The following TULP4 variants were observed in gnomAD, a reference collection of about 807,000 sequenced individuals.
TULP4 encodes the protein TUB like protein 4.
In TULP4, 16 loss-of-function variants were observed where a neutral mutation model predicts 129.0. The ratio of observed to expected loss-of-function variants is 0.12; its 90% CI spans 0.08 to 0.19. The LOEUF (loss-of-function observed/expected upper bound fraction) is 0.19. Among genes scored for constraint, TULP4 ranks in the 10% least tolerant of loss-of-function variants. TULP4 has a pLI of 1.00. For missense variants in TULP4, 1,842 were observed against 2,059.1 expected, an observed-to-expected ratio of 0.89 and a Z score of 2.04; for synonymous variants, 998 against 854.0, an observed-to-expected ratio of 1.17 and a Z score of -2.94.
rs190338202 is a variant in TULP4 at position 158,365,751 on chromosome 6, A to G, written c.253-47314A>G. ...CTCCCAAAATGCTGGGATTACAGGC[A>G]TGAGCTACCGCGCCCGGCCTGGAAG... is the stretch of plus-strand genomic sequence containing the variant. On this transcript the variant is annotated intron_variant, in intron 1 of 13. Transcript: ENST00000367097. 5.0e-3 allele frequency among the ~76,000 whole-genome samples: 754 copies of G among 151,894 alleles called. 5 individuals are homozygous for G. The highest frequency in any genetic ancestry group is 0.013 in the South Asian group (64 of 4,816).
rs528880475 is a variant in TULP4, at chr6:158,492,154, A to G, written c.1632-1419A>G. ...CTTACAGGTGTGAGCCACCGCACCCAGCCAAGAGTTCTTTCTTCTAGATTT... is the reference window on the plus strand; with the variant it reads ...CTTACAGGTGTGAGCCACCGCACCCGGCCAAGAGTTCTTTCTTCTAGATTT... On this transcript the variant is annotated intron_variant, in intron 9 of 13. Coordinates refer to ENST00000367097, the MANE Select transcript of TULP4 (RefSeq NM_020245.5). Among the ~76,000 whole-genome samples the G allele has an allele frequency of 1.3e-4, 20 of 152,298 alleles. 1 individual carries two copies. The highest frequency in any genetic ancestry group is 3.3e-4 in the Admixed American group (5 of 15,290).
At chr6:158,433,605 G>C (rs549188732) in intron 3 of TULP4, among the ~76,000 whole-genome samples, 164 of 152,294 alleles carry the variant, frequency 1.1e-3, no homozygotes, top group African/African-American at 3.4e-3. Flanking sequence ...CAGCTACTCC[G>C]GAGGCTGAGG....
intron 1 of TULP4, chr6:158,241,741 C>T (rs1002689259): frequency 6.5e-5 from 27 of 412,718 alleles, no homozygotes; most frequent in South Asian, 8.4e-5. Flanking sequence ...ACTACAGGCA[C>T]GCACCATCAC....
At chr6:158,243,403 A>G (rs1275215499) in intron 1 of TULP4, among the ~76,000 whole-genome samples, 1 of 151,156 alleles carries the variant, frequency 6.6e-6, no homozygotes, top group Admixed American at 6.7e-5. Context: ...GTGTGTATGT[A>G]TGTGTGTGTA....
chr6:158,422,738 A>G (rs113600274), intron 2 of TULP4, among the ~76,000 whole-genome samples: 23 of 152,362 alleles, frequency 1.5e-4, no homozygotes, highest in African/African-American at 4.3e-4. Flanking sequence ...TCAGATTTGC[A>G]TAGGGCTCAG....
At chr6:158,314,825 G>A (rs1562516929) in intron 1 of TULP4, among the ~76,000 whole-genome samples, 1 of 152,084 alleles carries the variant, frequency 6.6e-6, no homozygotes, top group Non-Finnish European at 1.5e-5. Context: ...ACATGTATAG[G>A]GTATATTATA....
intron 9 of TULP4, among the ~76,000 whole-genome samples, chr6:158,491,402 T>C (rs1249232072): frequency 3.9e-5 from 1 of 25,464 alleles, no homozygotes; most frequent in Non-Finnish European, 8.6e-5. Context: ...TCTTTCTTTC[T>C]TTCTTTCTTT....
At chr6:158,354,887 C>A (rs1333386211) in intron 1 of TULP4, among the ~76,000 whole-genome samples, 338 of 107,804 alleles carry the variant, frequency 3.1e-3, no homozygotes, top group Middle Eastern at 5.6e-3. Flanking sequence ...GACCCCATCT[C>A]AAAAAAAAAA....
intron 1 of TULP4, among the ~76,000 whole-genome samples, chr6:158,343,046 A>G (rs1425783167): frequency 6.6e-6 from 1 of 151,700 alleles, no homozygotes; most frequent in Non-Finnish European, 1.5e-5. Context: ...TACCCACCAC[A>G]GCAGGGAAAA....
chr6:158,349,022 G>A (rs11753404), intron 1 of TULP4, among the ~76,000 whole-genome samples: 61 of 47,924 alleles, frequency 1.3e-3, no homozygotes, highest in East Asian at 1.6e-3. Flanking sequence ...CTTCCCAGAC[G>A]GGGCAGCCGG....
At chr6:158,279,992 G>T (rs1778720503), upstream of TULP4, among the ~76,000 whole-genome samples, 1 of 152,208 alleles carries the variant, frequency 6.6e-6, no homozygotes, top group Admixed American at 6.5e-5. Flanking sequence ...TAGACGAGAT[G>T]CACCACGGTA....
intron 1 of TULP4, among the ~76,000 whole-genome samples, chr6:158,236,783 C>G (rs1028806084): frequency 8.8e-6 from 1 of 113,472 alleles, no homozygotes; most frequent in African/African-American, 3.2e-5. Context: ...TGGGTAAATG[C>G]CCAATTCTTT....
At chr6:158,352,145 A>C (rs777775226) in intron 1 of TULP4, among the ~76,000 whole-genome samples, 81 of 152,216 alleles carry the variant, frequency 5.3e-4, no homozygotes, top group Middle Eastern at 6.3e-3. Context: ...AGTGGAATGA[A>C]TAGGATTAAA....
chr6:158,464,191 C>T (rs1477838065), intron 6 of TULP4, among the ~76,000 whole-genome samples: 1 of 152,170 alleles, frequency 6.6e-6, no homozygotes, highest in African/African-American at 2.4e-5. Flanking sequence ...TGTGATGTGC[C>T]TTAGGTAGTC....
chr6:158,359,383 T>C (rs1780715760), intron 1 of TULP4, among the ~76,000 whole-genome samples: 1 of 152,186 alleles, frequency 6.6e-6, no homozygotes, highest in Admixed American at 6.5e-5. Flanking sequence ...AAGGAGAGTT[T>C]ATTAAGGAGT....
At chr6:158,470,368 A>C (rs1299554783) in intron 6 of TULP4, among the ~76,000 whole-genome samples, 2 of 152,260 alleles carry the variant, frequency 1.3e-5, no homozygotes, top group Admixed American at 1.3e-4. Flanking sequence ...GCTCCCATAC[A>C]AAGAGGGGAC....
upstream of TULP4, among the ~76,000 whole-genome samples, chr6:158,282,057 A>G (rs538553040): frequency 7.8e-4 from 119 of 151,626 alleles, no homozygotes; most frequent in African/African-American, 2.6e-3. Flanking sequence ...TCTTAGCTCT[A>G]TTTTTCCTTT....
chr6:158,309,487 G>A (rs1169944200), upstream of TULP4, among the ~76,000 whole-genome samples: 22 of 150,316 alleles, frequency 1.5e-4, no homozygotes, highest in Admixed American at 6.6e-4. Flanking sequence ...CCCAGACGGG[G>A]TGGCGGCCGG....
chr6:158,489,214 A>C (rs1780138526), intron 8 of TULP4, among the ~76,000 whole-genome samples: 1 of 152,210 alleles, frequency 6.6e-6, no homozygotes, highest in Non-Finnish European at 1.5e-5. Context: ...CAGGGGAATC[A>C]GTGAGCCCGC....
Sources: allele counts gnomAD v4.1 joint callset (sites outside exome capture counted in the v4.1 genomes callset), GRCh38; gene constraint gnomAD v4.1.1; transcripts MANE v1.5; gene names NCBI Gene and HGNC (gene_info 2026-07-23, HGNC 2026-07-21).